COL25A1: variants seen among roughly 807,000 people sequenced by gnomAD.
COL25A1 encodes the protein collagen type XXV alpha 1 chain.
In COL25A1, 103 loss-of-function variants were observed where a neutral mutation model predicts 128.4. The ratio of observed to expected loss-of-function variants is 0.80; its 90% CI spans 0.68 to 0.94. COL25A1 has a LOEUF of 0.94. Ranked by LOEUF, COL25A1 falls within the 40% of genes least tolerant of loss-of-function variation. The pLI is 0.00. For missense variants in COL25A1, 745 were observed against 840.0 expected (o/e 0.89, Z 1.40); for synonymous variants, 279 against 277.2 (o/e 1.01, Z -0.06).
At chr4:108,902,864 A>G (rs1190727108) in intron 13 of COL25A1, among the ~76,000 whole-genome samples, 1 of 152,008 alleles carries the variant, frequency 6.6e-6, no homozygotes, top group Non-Finnish European at 1.5e-5. Context: ...ACTTGGAAAC[A>G]GAATACACCC....
chr4:109,129,559 C>T (rs1014114456), intron 3 of COL25A1, among the ~76,000 whole-genome samples: 3 of 151,828 alleles, frequency 2.0e-5, no homozygotes, highest in African/African-American at 4.8e-5. Context: ...AAAGAGATAC[C>T]GCAAAAATGT....
intron 13 of COL25A1, among the ~76,000 whole-genome samples, chr4:108,917,230 TAGAA>T (rs1744980191): frequency 2.0e-5 from 3 of 152,218 alleles, no homozygotes; most frequent in Admixed American, 2.0e-4. Context: ...GTCTTATTGA[TAGAA>T]AGAAAAGATG....
chr4:108,912,375 T>C (rs1405150), intron 13 of COL25A1, among the ~76,000 whole-genome samples: 72,345 of 151,982 alleles, frequency 0.48, 19,921 homozygotes, highest in East Asian at 0.93. Flanking sequence ...AATTAAAAAA[T>C]ATAATTCTCA....
At chr4:109,056,078 CA>C (rs1761421623) in intron 3 of COL25A1, among the ~76,000 whole-genome samples, 2 of 152,008 alleles carry the variant, frequency 1.3e-5, no homozygotes, top group Non-Finnish European at 2.9e-5. Flanking sequence ...TTACAATAGC[CA>C]AGTTCCATAA....
chr4:109,006,239 G>T (rs1755960559), intron 6 of COL25A1, among the ~76,000 whole-genome samples: 1 of 151,416 alleles, frequency 6.6e-6, no homozygotes. Context: ...GTGGCGGGTG[G>T]GTCTCACTCT....
intron 31 of COL25A1, among the ~76,000 whole-genome samples, chr4:108,841,310 C>A (rs1292938735): frequency 1.3e-5 from 2 of 152,058 alleles, no homozygotes; most frequent in Non-Finnish European, 2.9e-5. Context: ...GATATGACTA[C>A]ATGGCAAGCA....
In COL25A1 at chr4:109,063,668, G is replaced by T. The variant is rs556916120; in HGVS notation, c.368-13489C>A. Among the ~76,000 whole-genome samples the T allele has an allele frequency of 1.2e-4, 19 of 152,154 alleles. No individual in the cohort carries two copies. In the South Asian group the frequency reaches 3.9e-3, roughly 32 times the overall value. On this transcript the variant is annotated intron_variant, in intron 3 of 37. Coordinates refer to ENST00000399132, the MANE Select transcript of COL25A1 (RefSeq NM_198721.4). Reference sequence around the variant, plus strand: ...AGCCTGGGCAAAACAGTGGGACCTTGTCTCTAATAATAATAATACAGCATA... The same window carrying T: ...AGCCTGGGCAAAACAGTGGGACCTTTTCTCTAATAATAATAATACAGCATA...
chr4:109,180,647 C>T (rs1175492462), intron 3 of COL25A1, among the ~76,000 whole-genome samples: 1 of 151,594 alleles, frequency 6.6e-6, no homozygotes, highest in African/African-American at 2.4e-5. Flanking sequence ...TTTTAAAAAC[C>T]AAAAATTTAT....
chr4:109,215,067 A>G (rs1777879780), intron 3 of COL25A1, among the ~76,000 whole-genome samples: 1 of 152,184 alleles, frequency 6.6e-6, no homozygotes, highest in African/African-American at 2.4e-5. Context: ...CTGTACACTA[A>G]GGAATTTTCT....
intron 3 of COL25A1, among the ~76,000 whole-genome samples, chr4:109,244,101 C>T (rs1187110466): frequency 6.6e-6 from 1 of 151,078 alleles, no homozygotes; most frequent in Non-Finnish European, 1.5e-5. Flanking sequence ...ACACTGTCCT[C>T]TTTATCTATC....
chr4:109,129,567 T>A (rs1388228954), intron 3 of COL25A1, among the ~76,000 whole-genome samples: 1 of 152,144 alleles, frequency 6.6e-6, no homozygotes, highest in Admixed American at 6.5e-5. Context: ...ACCGCAAAAA[T>A]GTTTAGAGTG....
At chr4:108,974,611 C>T (rs1261832600) in intron 6 of COL25A1, 52 bp from the exon 7 acceptor site, 1 of 1,387,238 alleles carries the variant, frequency 7.2e-7, no homozygotes, top group East Asian at 2.4e-5. Context: ...ATATTGTAAA[C>T]TGAATAGATC....
chr4:108,964,863 C>G (rs1751118310), intron 8 of COL25A1, among the ~76,000 whole-genome samples: 2 of 152,110 alleles, frequency 1.3e-5, no homozygotes, highest in Admixed American at 1.3e-4. Flanking sequence ...TCCATGCCAG[C>G]TTCTGAATCT....
Position 108,844,545 on chromosome 4 carries a change from C to T in COL25A1, c.1603G>A (p.Gly535Ser). 1 of 1,613,332 alleles carries T rather than the reference C, an allele frequency of 6.2e-7. No homozygotes were observed. The highest frequency in any genetic ancestry group is 8.5e-7 in the Non-Finnish European group (1 of 1,179,648). Residue 535 changes from glycine to serine, a missense_variant, in exon 30 of 38, where the codon GGT (glycine) becomes AGT (serine). Gly to Ser is a moderately conservative substitution (Grantham distance 56). This residue lies in a region of COL25A1 where 387 missense variants were observed against 441.9 expected (regional missense o/e 0.88). Transcript: ENST00000399132. ...ATGGGGCCAGGTGGGCCATGGGGAC[C>T]TGGTGGGCCTGGTGGGCCTATGATC... ...PSIIGPPGPPGPHGPPGPMGP... is the reference protein window; with the variant it reads ...PSIIGPPGPPSPHGPPGPMGP...
intron 5 of COL25A1, among the ~76,000 whole-genome samples, chr4:109,022,006 GC>G (rs914082435): frequency 3.3e-5 from 5 of 152,254 alleles, no homozygotes; most frequent in African/African-American, 1.2e-4. Flanking sequence ...TTCTGATTTT[GC>G]CCTGGTCCTG....
At chr4:109,273,776 C>G (rs902859952) in intron 3 of COL25A1, among the ~76,000 whole-genome samples, 2 of 152,090 alleles carry the variant, frequency 1.3e-5, no homozygotes, top group Admixed American at 6.6e-5. Context: ...AGAGCCTTAC[C>G]CCTGAGCCTC....
intron 3 of COL25A1, among the ~76,000 whole-genome samples, chr4:109,054,197 G>T (rs1413629505): frequency 2.6e-5 from 4 of 152,154 alleles, no homozygotes; most frequent in African/African-American, 9.7e-5. Context: ...GAACAAGATT[G>T]CAAGAGATTA....
At chr4:109,027,715 A>G in intron 5 of COL25A1, among the ~76,000 whole-genome samples, 1 of 151,898 alleles carries the variant, frequency 6.6e-6, no homozygotes, top group East Asian at 1.9e-4. Context: ...TTCTGGTTCA[A>G]GACTTGCAAC....
chr4:109,019,671 A>G (rs1480160919), intron 5 of COL25A1, among the ~76,000 whole-genome samples: 1 of 152,036 alleles, frequency 6.6e-6, no homozygotes, highest in Non-Finnish European at 1.5e-5. Flanking sequence ...CCCATAATGC[A>G]GTTACCTCTC....
Sources: gnomAD v4.1 joint callset for allele counts (sites outside exome capture counted in the v4.1 genomes callset) on GRCh38, gnomAD v4.1.1 for gene constraint, gnomAD v4.1.1 regional missense constraint, MANE v1.5 for transcripts, NCBI Gene and HGNC (gene_info 2026-07-23, HGNC 2026-07-21) for gene names.